Variants in YWHAZ observed in about 807,000 individuals in gnomAD.
YWHAZ encodes tyrosine 3-monooxygenase/tryptophan 5-monooxygenase activation protein zeta.
For missense variants in YWHAZ, 79 were observed against 284.8 expected, an observed-to-expected ratio of 0.28 and a Z score of 5.20; for synonymous variants, 87 against 103.6, an observed-to-expected ratio of 0.84 and a Z score of 0.97.
intron 2 of YWHAZ, among the ~76,000 whole-genome samples, chr8:100,931,502 A>T (rs1232090463): frequency 2.6e-5 from 4 of 152,182 alleles, no homozygotes; most frequent in African/African-American, 9.7e-5. Context: ...GGCATTCAAC[A>T]CTTGTTAGAA....
intron 2 of YWHAZ, among the ~76,000 whole-genome samples, chr8:100,926,304 G>A (rs1813357506): frequency 1.3e-5 from 2 of 151,600 alleles, no homozygotes; most frequent in African/African-American, 4.9e-5. Context: ...GGTGAGAAAA[G>A]TCAACCTGAA....
chr8:100,926,765 GCT>G (rs1475468738), intron 2 of YWHAZ, among the ~76,000 whole-genome samples: 2 of 152,208 alleles, frequency 1.3e-5, no homozygotes, highest in African/African-American at 4.8e-5. Context: ...TGAATACAAT[GCT>G]TTTTACCACC....
chr8:100,934,206 A>G lies in YWHAZ; in HGVS notation c.295-9167T>C, dbSNP rs994664305. Reference sequence around the variant, plus strand: ...AAAAAATTAGCCTAGTGTAGTGTGCACTTGCACTCCCAGCTACTCCAAAGG... The same window carrying G: ...AAAAAATTAGCCTAGTGTAGTGTGCGCTTGCACTCCCAGCTACTCCAAAGG... On this transcript the variant is annotated intron_variant, in intron 2 of 5. Coordinates refer to ENST00000395958, the MANE Select transcript of YWHAZ (RefSeq NM_145690.3). 8.9e-5 allele frequency among the ~76,000 whole-genome samples: 13 copies of G among 146,056 alleles called. No individual in the cohort carries two copies. In the South Asian group the frequency reaches 1.1e-3, roughly 12 times the overall value.
At chr8:100,947,253 CAA>C (rs1185334118) in intron 2 of YWHAZ, among the ~76,000 whole-genome samples, 24 of 83,708 alleles carry the variant, frequency 2.9e-4, no homozygotes, top group African/African-American at 6.3e-4. Flanking sequence ...GACTCCGTCT[CAA>C]AAAAAAAAAA....
At chr8:100,951,699 C>T (rs903083439) in intron 1 of YWHAZ, 6 of 985,260 alleles carry the variant, frequency 6.1e-6, no homozygotes, top group Non-Finnish European at 7.2e-6. Flanking sequence ...CACCGATCGG[C>T]GCCGGGGCGT....
Position 100,918,443 on chromosome 8 carries a change from T to TATAAAAA in YWHAZ, c.*2249_*2250insTTTTTAT, listed in dbSNP as rs1417316114. On this transcript the variant is annotated 3_prime_UTR_variant, in exon 6 of 6. Transcript: ENST00000395958. ...ATATATATATATATATATATATATA[T>TATAAAAA]AATTATTTTACCTCCTTGGCTTGGG... 2.6e-5 allele frequency: 3 copies of TATAAAAA among 117,074 alleles called. No individual in the cohort carries two copies. The highest frequency in any genetic ancestry group is 1.0e-4 in the African/African-American group (3 of 29,620). The allele number at this position is 117,074 out of a possible 1,614,324, so 7.3% of individuals were successfully genotyped here.
At chr8:100,926,686 C>T (rs1277139724) in intron 2 of YWHAZ, among the ~76,000 whole-genome samples, 1 of 152,172 alleles carries the variant, frequency 6.6e-6, no homozygotes, top group African/African-American at 2.4e-5. Flanking sequence ...AGGATAGCAA[C>T]CTCTGTCTTA....
At chr8:100,930,386 C>T (rs911250355) in intron 2 of YWHAZ, among the ~76,000 whole-genome samples, 5 of 152,278 alleles carry the variant, frequency 3.3e-5, no homozygotes, top group East Asian at 1.9e-4. Flanking sequence ...TGTGAGCCAC[C>T]GCGCCCAGCC....
At chr8:100,951,231 C>G (rs1247044663) in intron 1 of YWHAZ, 1 of 984,992 alleles carries the variant, frequency 1.0e-6, no homozygotes, top group Non-Finnish European at 1.2e-6. Context: ...TCGCCCCGGT[C>G]TACCTGGCGG....
In YWHAZ at chr8:100,951,795, G is replaced by A. The variant is rs1056008583; in HGVS notation, c.-12+134C>T. 7 of 985,342 alleles carry A rather than the reference G, an allele frequency of 7.1e-6. No homozygotes were observed. In the Admixed American group the frequency reaches 2.5e-4, roughly 35 times the overall value. The allele number at this position is 985,342 out of a possible 1,614,324, so 61.0% of individuals were successfully genotyped here. A position where few individuals can be genotyped will look rare whatever the true frequency, so the allele number is the denominator to read the frequency against. ...GGAGCCGCCGCCCGTGTCCGCTGAG[G>A]AGACTCCGCCTCAGCCCGGCGCCGC... On this transcript the variant is annotated intron_variant, in intron 1 of 5. Transcript: ENST00000395958.
chr8:100,920,871 G>A (rs1812976083), intron 5 of YWHAZ, 119 bp from the exon 6 acceptor site: 2 of 835,026 alleles, frequency 2.4e-6, no homozygotes, highest in Non-Finnish European at 3.9e-6. Context: ...TAAAAAGATA[G>A]CAGCATCACT....
intron 2 of YWHAZ, among the ~76,000 whole-genome samples, chr8:100,942,630 T>C (rs1809957660): frequency 6.6e-6 from 1 of 152,112 alleles, no homozygotes; most frequent in Non-Finnish European, 1.5e-5. Flanking sequence ...AAGATTAAAA[T>C]AAGTCCTAAA....
At chr8:100,944,393 C>G (rs1407673124) in intron 2 of YWHAZ, among the ~76,000 whole-genome samples, 2 of 152,112 alleles carry the variant, frequency 1.3e-5, no homozygotes, top group African/African-American at 2.4e-5. Context: ...CAAATAAAAA[C>G]GTAGAGCAGC....
upstream of YWHAZ, chr8:100,952,835 C>T (rs1563697124): frequency 1.0e-6 from 1 of 1,000,562 alleles, no homozygotes; most frequent in African/African-American, 1.7e-5. Flanking sequence ...CTCCCTCCCG[C>T]CGCCGCGGCT....
At chr8:100,927,138 A>G (rs1232742125) in intron 2 of YWHAZ, among the ~76,000 whole-genome samples, 1 of 152,254 alleles carries the variant, frequency 6.6e-6, no homozygotes, top group Non-Finnish European at 1.5e-5. Flanking sequence ...CAATAACACC[A>G]GACACCATGC....
At position 100,919,021 on chromosome 8, in the gene YWHAZ, T is replaced by G. The variant is rs575049075; in HGVS notation, c.*1672A>C. ...GGATAGGTAGGGTTTTAAAGGGAGA[T>G]AAACACAGTCTCATCAACTAAGGAG... On this transcript the variant is annotated 3_prime_UTR_variant, in exon 6 of 6. Transcript: ENST00000395958. The G allele has an allele frequency of 6.6e-6, 1 of 152,312 alleles. No individual in the cohort carries two copies. The highest frequency in any genetic ancestry group is 2.1e-4 in the South Asian group (1 of 4,806). 9.4% of individuals were successfully genotyped at this position (152,312 alleles called of 1,614,324 possible).
Position 100,921,824 on chromosome 8 carries a change from G to A in YWHAZ, c.679-1072C>T, listed in dbSNP as rs114636348. ...CTGCTCCAATGTTAAAAATGTTGAA[G>A]TCTTAACCACTCTCTAGTGATTTTC... On this transcript the variant is annotated intron_variant, in intron 5 of 5. Coordinates refer to ENST00000395958, the MANE Select transcript of YWHAZ (RefSeq NM_145690.3). 5.2e-3 allele frequency among the ~76,000 whole-genome samples: 788 copies of A among 152,270 alleles called. 9 individuals carry two copies. Among genetic ancestry groups the A allele is most frequent in the African/African-American group, 0.017 (718 of 41,556 alleles).
Position 100,948,553 on chromosome 8 carries a change from G to A in YWHAZ, c.294+43C>T. 1.3e-6 allele frequency: 2 copies of A among 1,578,872 alleles called. No individual in the cohort carries two copies. The highest frequency in any genetic ancestry group is 1.7e-6 in the Non-Finnish European group (2 of 1,161,474). On this transcript the variant is annotated intron_variant, in intron 2 of 5. Transcript: ENST00000395958. This position sits in a 1 kb window ranked among gnomAD's most constrained non-coding sequence, Gnocchi z 4.2. ...AAGAGTAATGTAACTGATACTCATA[G>A]GGACCCTACAGTATAATGAAGCCAG... is the stretch of plus-strand genomic sequence containing the variant.
Position 100,919,785 on chromosome 8 carries a change from A to AT in YWHAZ, c.*907dup, listed in dbSNP as rs1269301049. 5 of 152,532 alleles carry AT rather than the reference A, an allele frequency of 3.3e-5. No homozygotes were observed. Among genetic ancestry groups the AT allele is most frequent in the Admixed American group, 2.0e-4 (3 of 15,270 alleles). The allele number at this position is 152,532 out of a possible 1,614,324, so 9.4% of individuals were successfully genotyped here. Reference sequence around the variant, plus strand: ...TGCTTGGATTGTTCATGAAAATTTCATAAGACATTAAACAAAGCTAGCCAT... The same window carrying AT: ...TGCTTGGATTGTTCATGAAAATTTCATTAAGACATTAAACAAAGCTAGCCAT... On this transcript the variant is annotated 3_prime_UTR_variant, in exon 6 of 6. Coordinates refer to ENST00000395958, the MANE Select transcript of YWHAZ (RefSeq NM_145690.3).
Sources: gnomAD v4.1 joint callset for allele counts (sites outside exome capture counted in the v4.1 genomes callset) on GRCh38, gnomAD v4.1.1 for gene constraint, Gnocchi (gnomAD v3.1) non-coding constraint, MANE v1.5 for transcripts, NCBI Gene and HGNC (gene_info 2026-07-23, HGNC 2026-07-21) for gene names.